DDR2: variants seen among roughly 807,000 people sequenced by gnomAD.
DDR2 encodes the protein discoidin domain receptor tyrosine kinase 2, also known as discoidin domain-containing receptor 2.
A neutral mutation model predicts 94.9 loss-of-function variants in DDR2; 27 were observed. The observed-to-expected ratio is 0.28, with a 90% CI of 0.21 to 0.39. The LOEUF (loss-of-function observed/expected upper bound fraction) is 0.39. DDR2 is among the 10% of genes least tolerant of loss of function. The pLI is 1.00. For synonymous variants in DDR2, 382 were observed against 377.2 expected, an observed-to-expected ratio of 1.01 and a Z score of -0.15; for missense variants, 783 against 1,076.0, an observed-to-expected ratio of 0.73 and a Z score of 3.81.
intron 3 of DDR2, among the ~76,000 whole-genome samples, chr1:162,728,157 T>C (rs1661810441): frequency 6.9e-6 from 1 of 145,134 alleles, no homozygotes; most frequent in South Asian, 2.1e-4. Context: ...GATATATCTA[T>C]ATAAATATAT....
intron 3 of DDR2, among the ~76,000 whole-genome samples, chr1:162,719,874 T>C (rs1661342314): frequency 6.6e-6 from 1 of 152,094 alleles, no homozygotes; most frequent in Non-Finnish European, 1.5e-5. Context: ...TATTGGCTCA[T>C]CTAGGATGGA....
chr1:162,741,159 G>GAATAT (rs531538134), intron 3 of DDR2, among the ~76,000 whole-genome samples: 1,507 of 141,402 alleles, frequency 0.011, 34 homozygotes, highest in African/African-American at 0.035. Context: ...TTGGACTTTG[G>GAATAT]AATATAATAT....
At chr1:162,637,575 A>G (rs967352224) in intron 1 of DDR2, among the ~76,000 whole-genome samples, 4 of 152,120 alleles carry the variant, frequency 2.6e-5, no homozygotes, top group Non-Finnish European at 4.4e-5. Flanking sequence ...TAACAAAATA[A>G]TAAATAAATT....
intron 2 of DDR2, among the ~76,000 whole-genome samples, chr1:162,657,089 C>T (rs1658023859): frequency 6.6e-6 from 1 of 151,944 alleles, no homozygotes; most frequent in Non-Finnish European, 1.5e-5. Context: ...ATCCTACCAC[C>T]GTGCCCTCCT....
chr1:162,694,418 C>T (rs1005971134), intron 2 of DDR2, among the ~76,000 whole-genome samples: 8 of 152,152 alleles, frequency 5.3e-5, no homozygotes, highest in Admixed American at 2.0e-4. Context: ...TATGAGGGTG[C>T]ATCTACCTGT....
At chr1:162,751,565 A>C (rs910146631) in intron 3 of DDR2, among the ~76,000 whole-genome samples, 3 of 152,220 alleles carry the variant, frequency 2.0e-5, no homozygotes, top group Non-Finnish European at 4.4e-5. Context: ...TAAACTAGTT[A>C]AACCATTGTG....
At chr1:162,698,584 A>G (rs1393746872) in intron 2 of DDR2, among the ~76,000 whole-genome samples, 1 of 152,160 alleles carries the variant, frequency 6.6e-6, no homozygotes, top group Admixed American at 6.5e-5. Flanking sequence ...GTTGAAATCT[A>G]GCACTATGAT....
chr1:162,640,661 C>G (rs1452339740), intron 1 of DDR2, among the ~76,000 whole-genome samples: 1 of 151,936 alleles, frequency 6.6e-6, no homozygotes, highest in African/African-American at 2.4e-5. Context: ...TTTTAAAATG[C>G]TTAATTTTGT....
rs1308410113 is a variant in DDR2, at chr1:162,740,479, G to T, written c.83-12616G>T. Among the ~76,000 whole-genome samples the T allele has an allele frequency of 2.6e-5, 4 of 152,234 alleles. No homozygotes were observed. The East Asian group carries it at 5.8e-4, about 22-fold the overall frequency. Reference sequence around the variant, plus strand: ...TACCTTTGCATTTGCTGTTCCCCTTGCATAAACCATCATCCCTGCAAGAGT... The same window carrying T: ...TACCTTTGCATTTGCTGTTCCCCTTTCATAAACCATCATCCCTGCAAGAGT... On this transcript the variant is annotated intron_variant, in intron 3 of 17. Coordinates refer to ENST00000367921, the MANE Select transcript of DDR2 (RefSeq NM_006182.4).
chr1:162,758,396 T>G (rs780780464), intron 7 of DDR2, among the ~76,000 whole-genome samples: 3 of 152,214 alleles, frequency 2.0e-5, no homozygotes, highest in Non-Finnish European at 4.4e-5. Flanking sequence ...CTAAAGTATA[T>G]AAATATTGAA....
chr1:162,711,564 A>T (rs1298618307), intron 2 of DDR2, among the ~76,000 whole-genome samples: 1 of 152,154 alleles, frequency 6.6e-6, no homozygotes, highest in South Asian at 2.1e-4. Context: ...AGTTATGGTC[A>T]CTCCTGAGGG....
At chr1:162,645,151 A>G (rs965347865) in intron 1 of DDR2, among the ~76,000 whole-genome samples, 3 of 152,244 alleles carry the variant, frequency 2.0e-5, no homozygotes, top group African/African-American at 7.2e-5. Context: ...CCTGGTGAAC[A>G]GGCGGGGACT....
chr1:162,696,686 C>A (rs560129855), intron 2 of DDR2, among the ~76,000 whole-genome samples: 1 of 152,110 alleles, frequency 6.6e-6, no homozygotes, highest in Non-Finnish European at 1.5e-5. Flanking sequence ...ACCCTCCTGG[C>A]TGGAGCCTAA....
At chr1:162,712,246 A>G (rs1357084038) in intron 2 of DDR2, among the ~76,000 whole-genome samples, 2 of 149,122 alleles carry the variant, frequency 1.3e-5, no homozygotes. Flanking sequence ...CCACATATTC[A>G]TTGAAGTTCT....
At chr1:162,699,318 A>G (rs751171884) in intron 2 of DDR2, among the ~76,000 whole-genome samples, 2 of 152,188 alleles carry the variant, frequency 1.3e-5, no homozygotes, top group East Asian at 1.9e-4. Context: ...TAAAGGATCT[A>G]TGTTCACTCT....
intron 8 of DDR2, 44 bp downstream of exon 8, chr1:162,760,023 A>G (rs774921681): frequency 6.2e-7 from 1 of 1,613,546 alleles, no homozygotes; most frequent in East Asian, 2.2e-5. Flanking sequence ...AGGAGGCACA[A>G]ATCATAGTGT....
At chr1:162,763,336 CTTTTTTTTTTT>C (rs56323242) in intron 9 of DDR2, among the ~76,000 whole-genome samples, 3 of 56,542 alleles carry the variant, frequency 5.3e-5, no homozygotes, top group African/African-American at 1.5e-4. Flanking sequence ...CCACGCCCGG[CTTTTTTTTTTT>C]TTTTTTTTTT....
chr1:162,696,681 C>G (rs1660208601), intron 2 of DDR2, among the ~76,000 whole-genome samples: 1 of 152,096 alleles, frequency 6.6e-6, no homozygotes, highest in Non-Finnish European at 1.5e-5. Context: ...GCTACACCCT[C>G]CTGGCTGGAG....
chr1:162,758,562 G>A (rs532696592), intron 7 of DDR2, among the ~76,000 whole-genome samples: 19 of 152,100 alleles, frequency 1.2e-4, no homozygotes, highest in African/African-American at 3.9e-4. Context: ...GTAAACTTAC[G>A]TTCTCCTAGC....
Sources: allele counts gnomAD v4.1 joint callset (sites outside exome capture counted in the v4.1 genomes callset), GRCh38; gene constraint gnomAD v4.1.1; transcripts MANE v1.5; gene names NCBI Gene and HGNC (gene_info 2026-07-23, HGNC 2026-07-21).